ZNF804B: variants seen among roughly 807,000 people sequenced by gnomAD.
ZNF804B encodes the protein zinc finger protein 804B, also known as zinc finger 804B.
In ZNF804B, 80 loss-of-function variants were observed where a neutral mutation model predicts 101.4. The ratio of observed to expected loss-of-function variants is 0.79; its 90% CI spans 0.66 to 0.95. The LOEUF (loss-of-function observed/expected upper bound fraction) is 0.95. Ranked by LOEUF, ZNF804B falls within the 40% of genes least tolerant of loss-of-function variation. The probability of loss-of-function intolerance (pLI) is 0.00; values close to 1 mark genes in which losing one functional copy is unlikely to be tolerated. For synonymous variants in ZNF804B, 622 were observed against 558.8 expected (o/e 1.11, Z -1.59); for missense variants, 1,673 against 1,561.9 (o/e 1.07, Z -1.20).
chr7:89,226,061 AT>A (rs1366078502), intron 2 of ZNF804B, among the ~76,000 whole-genome samples: 1 of 152,104 alleles, frequency 6.6e-6, no homozygotes, highest in Non-Finnish European at 1.5e-5. Context: ...ATAACTAGTA[AT>A]CAACTAATAC....
chr7:89,104,876 T>C (rs1422365997), intron 1 of ZNF804B, among the ~76,000 whole-genome samples: 1 of 152,064 alleles, frequency 6.6e-6, no homozygotes, highest in Non-Finnish European at 1.5e-5. Flanking sequence ...CAAATACTTA[T>C]CTGTGATTGT....
chr7:89,255,893 T>C (rs1789624854), intron 2 of ZNF804B, among the ~76,000 whole-genome samples: 1 of 152,090 alleles, frequency 6.6e-6, no homozygotes, highest in Non-Finnish European at 1.5e-5. Context: ...AAATAGGCAT[T>C]TTGCAGAGGG....
chr7:88,826,317 A>C (rs1230800389), intron 1 of ZNF804B, among the ~76,000 whole-genome samples: 1 of 152,196 alleles, frequency 6.6e-6, no homozygotes, highest in Non-Finnish European at 1.5e-5. Flanking sequence ...TTAGTTTTGA[A>C]AACTGCTTCT....
intron 1 of ZNF804B, among the ~76,000 whole-genome samples, chr7:88,926,817 C>G (rs1363503302): frequency 6.6e-6 from 1 of 151,998 alleles, no homozygotes; most frequent in Non-Finnish European, 1.5e-5. Flanking sequence ...CCGAATTACC[C>G]TTACAGCCAA....
chr7:88,910,759 A>T (rs1164211645), intron 1 of ZNF804B, among the ~76,000 whole-genome samples: 2 of 151,938 alleles, frequency 1.3e-5, no homozygotes, highest in Admixed American at 1.3e-4. Context: ...ACTAGATCCA[A>T]TGCAAGCGTG....
chr7:89,301,559 C>A (rs1415469979), intron 2 of ZNF804B, among the ~76,000 whole-genome samples: 1 of 151,850 alleles, frequency 6.6e-6, no homozygotes, highest in Non-Finnish European at 1.5e-5. Context: ...AATGTTTCAG[C>A]TAAAAATAGC....
At chr7:89,281,512 A>C (rs1790093796) in intron 2 of ZNF804B, among the ~76,000 whole-genome samples, 1 of 152,204 alleles carries the variant, frequency 6.6e-6, no homozygotes, top group Non-Finnish European at 1.5e-5. Context: ...TAATACAATT[A>C]AAAATGTAAA....
At chr7:88,874,955 CTA>C (rs1250179200) in intron 1 of ZNF804B, among the ~76,000 whole-genome samples, 1 of 137,742 alleles carries the variant, frequency 7.3e-6, no homozygotes, top group Non-Finnish European at 1.5e-5. Context: ...TTATAACAAA[CTA>C]TCTCTCAGAC....
chr7:89,118,193 G>A (rs1260597925), intron 1 of ZNF804B, among the ~76,000 whole-genome samples: 1 of 151,950 alleles, frequency 6.6e-6, no homozygotes, highest in African/African-American at 2.4e-5. Flanking sequence ...ATTGTTTTAC[G>A]ACATAATTAT....
chr7:89,262,360 T>A (rs1789723734), intron 2 of ZNF804B, among the ~76,000 whole-genome samples: 1 of 152,202 alleles, frequency 6.6e-6, no homozygotes, highest in Non-Finnish European at 1.5e-5. Flanking sequence ...CAGTTTAGCA[T>A]AATGGTTAAG....
In ZNF804B at chr7:88,891,199, C is replaced by G. The variant is rs189827005; in HGVS notation, c.108+131115C>G. Among the ~76,000 whole-genome samples, 241 of 152,042 alleles carry G rather than the reference C, an allele frequency of 1.6e-3. 5 individuals are homozygous for G. The highest frequency in any genetic ancestry group is 0.011 in the Admixed American group (166 of 15,242). On this transcript the variant is annotated intron_variant, in intron 1 of 3. Transcript: ENST00000333190. ...TATATATTATGACCTTGATAATGAT[C>G]GTTAATTCTATCCTTATGCACTGAT...
intron 1 of ZNF804B, among the ~76,000 whole-genome samples, chr7:88,791,027 G>A (rs750646350): frequency 2.6e-5 from 4 of 151,886 alleles, no homozygotes; most frequent in South Asian, 2.1e-4. Context: ...GCATTGTCAC[G>A]CTCTTTTTAA....
chr7:89,232,502 G>A (rs1789207953), intron 2 of ZNF804B, among the ~76,000 whole-genome samples: 1 of 152,038 alleles, frequency 6.6e-6, no homozygotes, highest in Non-Finnish European at 1.5e-5. Context: ...TTCTTTAAAT[G>A]TTTAATAGAA....
chr7:89,121,965 T>G (rs1301344114), intron 1 of ZNF804B, among the ~76,000 whole-genome samples: 1 of 152,008 alleles, frequency 6.6e-6, no homozygotes, highest in Non-Finnish European at 1.5e-5. Context: ...ACAGTGTTTA[T>G]TAGAAGATTA....
intron 1 of ZNF804B, among the ~76,000 whole-genome samples, chr7:88,776,780 A>AC (rs10707553): frequency 0.1 from 8,674 of 83,320 alleles, 517 homozygotes; most frequent in South Asian, 0.18. Context: ...TAACCCATAA[A>AC]CCCCCCCCCC....
rs140972006 is a variant in ZNF804B, at chr7:89,106,891, GT to G, written c.109-111262del. Reference sequence around the variant, plus strand: ...TCTTTGAATAAACTGAGGACAGCATGTTGTTGGAGGGAGTAAGATGATGAAT... The same window carrying G: ...TCTTTGAATAAACTGAGGACAGCATGTGTTGGAGGGAGTAAGATGATGAAT... On this transcript the variant is annotated intron_variant, in intron 1 of 3. Transcript: ENST00000333190. Among the ~76,000 whole-genome samples, 3 of 152,266 alleles carry G rather than the reference GT, an allele frequency of 2.0e-5. No individual in the cohort carries two copies. In the East Asian group the frequency reaches 5.8e-4, roughly 29 times the overall value.
At chr7:88,892,179 A>C (rs1309810185) in intron 1 of ZNF804B, among the ~76,000 whole-genome samples, 1 of 103,766 alleles carries the variant, frequency 9.6e-6, no homozygotes, top group Non-Finnish European at 2.1e-5. Context: ...TGTTTAATAC[A>C]GTAAGTGTGT....
chr7:88,998,755 G>A (rs1788239750), intron 1 of ZNF804B, among the ~76,000 whole-genome samples: 1 of 151,902 alleles, frequency 6.6e-6, no homozygotes, highest in Non-Finnish European at 1.5e-5. Context: ...ATAGGAGGTG[G>A]GACAATTTCT....
intron 1 of ZNF804B, among the ~76,000 whole-genome samples, chr7:88,766,891 C>A (rs1372186067): frequency 6.6e-6 from 1 of 151,202 alleles, no homozygotes; most frequent in Non-Finnish European, 1.5e-5. Context: ...ATAATTAGGA[C>A]TGCCAGTTTT....
Sources: gnomAD v4.1 joint callset for allele counts (sites outside exome capture counted in the v4.1 genomes callset) on GRCh38, gnomAD v4.1.1 for gene constraint, MANE v1.5 for transcripts, NCBI Gene and HGNC (gene_info 2026-07-23, HGNC 2026-07-21) for gene names.